CALN1: variants seen among roughly 807,000 people sequenced by gnomAD.
The protein encoded by CALN1 is calcium-binding protein 8.
Under a neutral mutation model 30.6 loss-of-function variants are expected in CALN1, and 17 were observed. That is an observed-to-expected ratio of 0.56 (90% CI 0.38 to 0.83). The LOEUF (loss-of-function observed/expected upper bound fraction) is 0.83, where lower values mean the gene tolerates loss of function less well. CALN1 is among the 40% of genes least tolerant of loss of function. The probability of loss-of-function intolerance (pLI) is 0.00; values close to 1 mark genes in which losing one functional copy is unlikely to be tolerated. For missense variants in CALN1, 291 were observed against 354.9 expected, an observed-to-expected ratio of 0.82 and a Z score of 1.45; for synonymous variants, 156 against 131.4, an observed-to-expected ratio of 1.19 and a Z score of -1.28.
At chr7:72,303,804 G>A (rs1253951080) in intron 2 of CALN1, among the ~76,000 whole-genome samples, 2 of 152,032 alleles carry the variant, frequency 1.3e-5, no homozygotes, top group African/African-American at 4.8e-5. Context: ...GAGCCCAGGA[G>A]ATCAAGGCTT....
upstream of CALN1, among the ~76,000 whole-genome samples, chr7:72,414,515 C>T (rs1807361575): frequency 6.6e-6 from 1 of 152,164 alleles, no homozygotes; most frequent in Admixed American, 6.5e-5. Flanking sequence ...TCCACCCTAA[C>T]ACTAGCATGG....
chr7:72,390,953 A>G (rs1271486287), intron 2 of CALN1, among the ~76,000 whole-genome samples: 1 of 152,206 alleles, frequency 6.6e-6, no homozygotes, highest in Non-Finnish European at 1.5e-5. Flanking sequence ...GGATCCATGC[A>G]CCAAAAGTAC....
chr7:72,396,236 A>G (rs1260467464), intron 2 of CALN1, among the ~76,000 whole-genome samples: 1 of 62,446 alleles, frequency 1.6e-5, no homozygotes, highest in African/African-American at 1.3e-4. Context: ...TGTCTCTACT[A>G]AAAAAAAAAA....
chr7:72,224,143 G>GT (rs1413799285), intron 3 of CALN1, among the ~76,000 whole-genome samples: 1 of 152,026 alleles, frequency 6.6e-6, no homozygotes, highest in Admixed American at 6.6e-5. Context: ...ATATACCCTT[G>GT]TAACAAACTG....
At chr7:72,240,884 A>C (rs1234328182) in intron 3 of CALN1, among the ~76,000 whole-genome samples, 2 of 152,228 alleles carry the variant, frequency 1.3e-5, no homozygotes, top group African/African-American at 4.8e-5. Flanking sequence ...CTGGAAGGCC[A>C]GTCCCATGCC....
At chr7:72,238,610 G>T (rs917310341) in intron 3 of CALN1, among the ~76,000 whole-genome samples, 3 of 105,204 alleles carry the variant, frequency 2.9e-5, no homozygotes, top group Admixed American at 9.0e-5. Flanking sequence ...TGAATCACAG[G>T]GAGGGTTAGC....
chr7:71,963,239 T>G (rs1454114642), intron 5 of CALN1, among the ~76,000 whole-genome samples: 2 of 152,192 alleles, frequency 1.3e-5, no homozygotes, highest in Non-Finnish European at 2.9e-5. Flanking sequence ...CTCGGCTCAC[T>G]GCAACCTCCG....
At chr7:72,130,811 T>C (rs569473053) in intron 3 of CALN1, among the ~76,000 whole-genome samples, 3 of 152,344 alleles carry the variant, frequency 2.0e-5, no homozygotes, top group Non-Finnish European at 4.4e-5. Flanking sequence ...TGGTTATTGC[T>C]GAAGGATGGG....
intron 5 of CALN1, among the ~76,000 whole-genome samples, chr7:71,820,835 G>A (rs1263133210): frequency 6.6e-6 from 1 of 152,160 alleles, no homozygotes; most frequent in African/African-American, 2.4e-5. Flanking sequence ...AACCAGAGAG[G>A]AGGCTATTGA....
intron 3 of CALN1, among the ~76,000 whole-genome samples, chr7:72,186,094 G>A (rs1408296967): frequency 1.3e-5 from 2 of 152,076 alleles, no homozygotes; most frequent in Admixed American, 1.3e-4. Flanking sequence ...CCACAGTGAT[G>A]CATGGCCATG....
intron 3 of CALN1, among the ~76,000 whole-genome samples, chr7:72,250,358 T>G (rs751130605): frequency 6.6e-6 from 1 of 152,140 alleles, no homozygotes; most frequent in Non-Finnish European, 1.5e-5. Flanking sequence ...GCCTTAGCAT[T>G]CTCATCTGGA....
At chr7:72,471,478 A>T in the CALN1 span, among the ~76,000 whole-genome samples, 1 of 152,222 alleles carries the variant, frequency 6.6e-6, no homozygotes, top group Non-Finnish European at 1.5e-5. Flanking sequence ...GTCACTGGGC[A>T]CATGCTGCTC....
At chr7:72,120,690 T>A (rs1224267454) in intron 3 of CALN1, among the ~76,000 whole-genome samples, 2 of 152,172 alleles carry the variant, frequency 1.3e-5, no homozygotes, top group African/African-American at 4.8e-5. Flanking sequence ...AGAAATATAG[T>A]ACCCTTGGAA....
At chr7:71,792,016 G>GAA (rs11437642) in intron 6 of CALN1, among the ~76,000 whole-genome samples, 3 of 147,918 alleles carry the variant, frequency 2.0e-5, no homozygotes, top group African/African-American at 7.4e-5. Flanking sequence ...CTCAAAAAAA[G>GAA]AAAAAAAAAA....
At position 72,437,168 on chromosome 7, in the gene CALN1, G is replaced by T. The variant is rs998200389; in HGVS notation, c.-226+9874C>A. On this transcript the variant is annotated intron_variant, in intron 1 of 6. Transcript: ENST00000395276. Reference sequence around the variant, plus strand: ...GATTAGGAGGGAGAGTTTTGAAAATGCCTGGAACTAGGGAGTTCTGGAAAT... The same window carrying T: ...GATTAGGAGGGAGAGTTTTGAAAATTCCTGGAACTAGGGAGTTCTGGAAAT... Among the ~76,000 whole-genome samples the T allele has an allele frequency of 2.0e-5, 3 of 152,258 alleles. No individual in the cohort carries two copies. In the Middle Eastern group the frequency reaches 0.01, roughly 518 times the overall value.
rs34870061 is a variant in CALN1, at chr7:71,882,850, T to TTGTGTGTGTG, written c.502-72368_502-72359dup. ...GGGCATGCCACCATGCCCATCTAAT[T>TTGTGTGTGTG]TGTGTGTGTGTGTGTGTGTGTGTGT... On this transcript the variant is annotated intron_variant, in intron 5 of 6. Transcript: ENST00000395275. Among the ~76,000 whole-genome samples, 679 of 131,006 alleles carry TTGTGTGTGTG rather than the reference T, an allele frequency of 5.2e-3. 6 individuals are homozygous for TTGTGTGTGTG. The highest frequency in any genetic ancestry group is 0.024 in the East Asian group (101 of 4,188). The allele number at this position is 131,006 out of a possible 152,430, so 85.9% of individuals were successfully genotyped here.
intron 3 of CALN1, among the ~76,000 whole-genome samples, chr7:72,196,836 C>A (rs1791044615): frequency 1.3e-5 from 2 of 152,086 alleles, no homozygotes; most frequent in Admixed American, 1.3e-4. Flanking sequence ...GTCATTTGCC[C>A]AGCAGCCCAC....
At chr7:71,976,937 A>C (rs1474613767) in intron 5 of CALN1, among the ~76,000 whole-genome samples, 1 of 152,128 alleles carries the variant, frequency 6.6e-6, no homozygotes, top group Non-Finnish European at 1.5e-5. Context: ...CGCATGCCCA[A>C]GGACTTTCCA....
At chr7:72,408,374 G>A (rs964236551) in intron 1 of CALN1, among the ~76,000 whole-genome samples, 3 of 152,034 alleles carry the variant, frequency 2.0e-5, no homozygotes, top group African/African-American at 7.2e-5. Context: ...GAACCCGGGA[G>A]GTGGAGGTTG....
Sources: allele counts gnomAD v4.1 joint callset (sites outside exome capture counted in the v4.1 genomes callset), GRCh38; gene constraint gnomAD v4.1.1; transcripts MANE v1.5; gene names NCBI Gene and HGNC (gene_info 2026-07-23, HGNC 2026-07-21).